The following NTRK2 variants were observed in gnomAD, a reference collection of about 807,000 sequenced individuals.
The protein encoded by NTRK2 is BDNF/NT-3 growth factors receptor.
Under a neutral mutation model 94.5 loss-of-function variants are expected in NTRK2, and 13 were observed. The observed-to-expected ratio is 0.14, with a 90% confidence interval of 0.09 to 0.22. The LOEUF is 0.22. NTRK2 is among the 10% of genes least tolerant of loss of function. NTRK2 has a pLI of 1.00. For missense variants in NTRK2, 639 were observed against 1,071.2 expected, an observed-to-expected ratio of 0.60 and a Z score of 5.63; for synonymous variants, 372 against 407.4, an observed-to-expected ratio of 0.91 and a Z score of 1.05.
intron 12 of NTRK2, chr9:84,813,554 A>T: frequency 9.4e-7 from 1 of 1,065,432 alleles, no homozygotes; most frequent in Non-Finnish European, 1.1e-6. Flanking sequence ...TAAGAAACTG[A>T]GTTTAACAGC....
chr9:84,886,928 G>A (rs2076434058), intron 14 of NTRK2, among the ~76,000 whole-genome samples: 1 of 152,220 alleles, frequency 6.6e-6, no homozygotes, highest in Non-Finnish European at 1.5e-5. Context: ...GTGAATGGGT[G>A]TAATTAGTCA....
chr9:84,721,808 C>A (rs1255574588), intron 6 of NTRK2, among the ~76,000 whole-genome samples: 3 of 152,116 alleles, frequency 2.0e-5, no homozygotes, highest in African/African-American at 7.2e-5. Flanking sequence ...TAGCTTGAAT[C>A]TTTTTCGTAA....
chr9:84,841,761 T>G (rs2074199277), intron 12 of NTRK2, among the ~76,000 whole-genome samples: 1 of 152,222 alleles, frequency 6.6e-6, no homozygotes, highest in Non-Finnish European at 1.5e-5. Flanking sequence ...TTGTTGTCGT[T>G]GGTAATTCTC....
chr9:84,851,012 G>C (rs2074740826), intron 12 of NTRK2, among the ~76,000 whole-genome samples: 1 of 152,096 alleles, frequency 6.6e-6, no homozygotes, highest in African/African-American at 2.4e-5. Flanking sequence ...CCTAGGTCAG[G>C]GTTTCGCAAT....
chr9:84,741,862 T>C (rs200233872), intron 9 of NTRK2, 30 bp from the exon 10 acceptor site: 55 of 1,605,884 alleles, frequency 3.4e-5, no homozygotes, highest in Admixed American at 3.2e-4. Context: ...AATGCATACT[T>C]ACAAATCTTT....
rs80218485 is a variant in NTRK2 at position 85,021,087 on chromosome 9, G to A, written c.2332-165G>A. On this transcript the variant is annotated intron_variant, in intron 18 of 18. Transcript: ENST00000277120. ...GATATAAGCCAATCAAAATAAACAC[G>A]ATATAAACTAACCTATAATAATTGC... Among the ~76,000 whole-genome samples, 707 of 152,278 alleles carry A rather than the reference G, an allele frequency of 4.6e-3. 10 individuals carry two copies. The highest frequency in any genetic ancestry group is 0.016 in the African/African-American group (682 of 41,554).
Position 84,951,142 on chromosome 9 carries a change from A to C in NTRK2, c.1937+2508A>C, listed in dbSNP as rs72739936. On this transcript the variant is annotated intron_variant, in intron 16 of 18. Transcript: ENST00000277120. ...GCCTCATGGATCCACGTGCAATTTA[A>C]TTCTTCTTTGCTGGGCTGGATCCCT... 4.6e-5 allele frequency among the ~76,000 whole-genome samples: 7 copies of C among 152,126 alleles called. No homozygotes were observed. The East Asian group carries it at 1.3e-3, about 29-fold the overall frequency.
chr9:84,875,383 T>C, intron 14 of NTRK2: 1 of 1,061,456 alleles, frequency 9.4e-7, no homozygotes, highest in Non-Finnish European at 1.1e-6. Flanking sequence ...ACATGAGGCC[T>C]GTGTTATGCG....
At position 84,805,721 on chromosome 9, in the gene NTRK2, A is replaced by T. The variant is rs562785677; in HGVS notation, c.1396+53636A>T. Among the ~76,000 whole-genome samples the T allele has an allele frequency of 2.0e-5, 3 of 152,212 alleles. No homozygotes were observed. In the East Asian group the frequency reaches 5.8e-4, roughly 29 times the overall value. ...TAGAGAGTTGAGGCCTTTAAGAAAT[A>T]ATTGGGTCATGAGGCCTCTGCCCTC... On this transcript the variant is annotated intron_variant, in intron 12 of 18. Transcript: ENST00000277120.
chr9:84,855,478 G>A (rs985054341), intron 12 of NTRK2, among the ~76,000 whole-genome samples: 13 of 152,036 alleles, frequency 8.6e-5, no homozygotes, highest in Non-Finnish European at 1.3e-4. Flanking sequence ...TGAAATCTGT[G>A]GATCTCCTCT....
chr9:84,912,696 G>A (rs1401363294), intron 14 of NTRK2, among the ~76,000 whole-genome samples: 1 of 141,402 alleles, frequency 7.1e-6, no homozygotes, highest in Non-Finnish European at 1.5e-5. Flanking sequence ...TTGGCTCACT[G>A]CAAGCTCTGC....
chr9:84,872,136 C>T, intron 14 of NTRK2: 2 of 1,274,474 alleles, frequency 1.6e-6, no homozygotes, highest in Non-Finnish European at 2.0e-6. Context: ...ACTCAACTAG[C>T]TCGTTTAGAC....
At chr9:84,712,898 C>T (rs2061499400) in intron 6 of NTRK2, among the ~76,000 whole-genome samples, 1 of 152,024 alleles carries the variant, frequency 6.6e-6, no homozygotes, top group Non-Finnish European at 1.5e-5. Context: ...GCTTATTTTC[C>T]ATTTTTTCAA....
chr9:84,710,737 C>T lies in NTRK2; in HGVS notation c.529C>T (p.Leu177=), dbSNP rs755144584. The T allele has an allele frequency of 1.9e-6, 3 of 1,614,016 alleles. No homozygotes were observed. Among genetic ancestry groups the T allele is most frequent in the Middle Eastern group, 1.6e-4 (1 of 6,084 alleles). ...TCCAGACACTCAGGATTTGTACTGC[C>T]TGAATGAAAGCAGCAAGAATATTCC... is the stretch of plus-strand genomic sequence containing the variant. ...SSPDTQDLYC[L]NESSKNIPLA... Residue 177 remains leucine, a synonymous_variant, in exon 6 of 19, where the codon CTG becomes TTG. Transcript: ENST00000277120.
chr9:84,901,789 C>T (rs150239448), intron 14 of NTRK2, among the ~76,000 whole-genome samples: 1 of 152,278 alleles, frequency 6.6e-6, no homozygotes, highest in Non-Finnish European at 1.5e-5. Context: ...CCATGTATGT[C>T]TAGACCATAA....
chr9:84,849,386 G>C (rs1027821917), intron 12 of NTRK2, among the ~76,000 whole-genome samples: 1 of 152,162 alleles, frequency 6.6e-6, no homozygotes, highest in Non-Finnish European at 1.5e-5. Flanking sequence ...CAAGCACCAT[G>C]GATCGGTGGG....
intron 12 of NTRK2, among the ~76,000 whole-genome samples, chr9:84,840,265 CTTTTTTTTTTT>C (rs1158579395): frequency 2.9e-5 from 3 of 101,858 alleles, no homozygotes; most frequent in East Asian, 3.0e-4. Context: ...ATTGACAATT[CTTTTTTTTTTT>C]TTTTTTTTTT....
At chr9:85,016,415 G>A (rs1832232699) in intron 17 of NTRK2, among the ~76,000 whole-genome samples, 1 of 152,126 alleles carries the variant, frequency 6.6e-6, no homozygotes, top group Non-Finnish European at 1.5e-5. Flanking sequence ...CTTAATTACT[G>A]GAGAGCCCCT....
chr9:84,948,576 G>C lies in NTRK2; in HGVS notation c.1879G>C (p.Asp627His), dbSNP rs201553907. The C allele has an allele frequency of 6.2e-7, 1 of 1,614,002 alleles. No homozygotes were observed. Among genetic ancestry groups the C allele is most frequent in the Non-Finnish European group, 8.5e-7 (1 of 1,180,014 alleles). Reference protein sequence around the residue: ...VKFYGVCVEGDPLIMVFEYMK... With the variant: ...VKFYGVCVEGHPLIMVFEYMK... ...GTTCTATGGCGTCTGCGTGGAGGGCGACCCCCTCATCATGGTCTTTGAGTA... is the reference window on the plus strand; with the variant it reads ...GTTCTATGGCGTCTGCGTGGAGGGCCACCCCCTCATCATGGTCTTTGAGTA... The change falls in exon 16 of 19, where the codon GAC (aspartate) becomes CAC (histidine). Residue 627 changes from aspartate to histidine, a missense_variant. Physicochemically the swap from Asp to His is moderately conservative, Grantham distance 81. This residue lies in a region of NTRK2 where 343 missense variants were observed against 571.5 expected (regional missense o/e 0.60). Transcript: ENST00000277120.
Sources: gnomAD v4.1 joint callset for allele counts (sites outside exome capture counted in the v4.1 genomes callset) on GRCh38, gnomAD v4.1.1 for gene constraint, gnomAD v4.1.1 regional missense constraint, MANE v1.5 for transcripts, NCBI Gene and HGNC (gene_info 2026-07-23, HGNC 2026-07-21) for gene names.